The following GPHN variants were observed in gnomAD, a reference collection of about 807,000 sequenced individuals.
GPHN encodes the protein gephyrin.
A neutral mutation model predicts 95.5 loss-of-function variants in GPHN; 17 were observed. The ratio of observed to expected loss-of-function variants is 0.18; its 90% CI spans 0.12 to 0.27. GPHN has a LOEUF of 0.27. GPHN is among the 10% of genes least tolerant of loss of function. The probability of loss-of-function intolerance (pLI) is 1.00; values close to 1 mark genes in which losing one functional copy is unlikely to be tolerated. For missense variants in GPHN, 660 were observed against 978.1 expected, an observed-to-expected ratio of 0.67 and a Z score of 4.34; for synonymous variants, 320 against 322.5, an observed-to-expected ratio of 0.99 and a Z score of 0.08.
intron 1 of GPHN, among the ~76,000 whole-genome samples, chr14:66,557,237 GTAGATAGA>G (rs201752462): frequency 0.021 from 2,916 of 141,988 alleles, 43 homozygotes; most frequent in East Asian, 0.048. Context: ...ACATAGGTAG[GTAGATAGA>G]TAGATAGATA....
chr14:67,579,288 C>G, the GPHN span: 1 of 1,558,980 alleles, frequency 6.4e-7, no homozygotes, highest in Non-Finnish European at 8.7e-7. Flanking sequence ...CATCCCCGTG[C>G]ACTTTACCAA....
At chr14:67,678,339 C>T in the GPHN span, 168 of 1,613,190 alleles carry the variant, frequency 1.0e-4, 1 homozygote, top group Non-Finnish European at 1.7e-6. Flanking sequence ...TTGGGAGGCC[C>T]AGCAGGTCAC....
At chr14:67,490,208 C>T in the GPHN span, among the ~76,000 whole-genome samples, 1 of 152,156 alleles carries the variant, frequency 6.6e-6, no homozygotes, top group African/African-American at 2.4e-5. Context: ...ACAGATGAGC[C>T]ATACATGTTG....
At chr14:67,600,039 G>T in the GPHN span, 107 of 1,573,352 alleles carry the variant, frequency 6.8e-5, 1 homozygote, top group East Asian at 2.4e-3. Context: ...AGAGGGTGAA[G>T]AGTCCGTAGG....
At chr14:67,263,319 A>G in the GPHN span, among the ~76,000 whole-genome samples, 1 of 152,174 alleles carries the variant, frequency 6.6e-6, no homozygotes, top group African/African-American at 2.4e-5. Flanking sequence ...AGATTTGTAA[A>G]GGAAAATGGT....
At chr14:66,558,635 T>A (rs1262071509) in intron 1 of GPHN, among the ~76,000 whole-genome samples, 1 of 152,162 alleles carries the variant, frequency 6.6e-6, no homozygotes, top group Non-Finnish European at 1.5e-5. Flanking sequence ...TACTTTTTAA[T>A]TGCTTATGTC....
At chr14:66,908,661 C>T (rs900908666) in intron 5 of GPHN, among the ~76,000 whole-genome samples, 5 of 151,996 alleles carry the variant, frequency 3.3e-5, no homozygotes, top group Admixed American at 1.3e-4. Context: ...TGGGGAGCAC[C>T]TGACAAATAC....
intron 3 of GPHN, among the ~76,000 whole-genome samples, chr14:66,813,833 C>A (rs555364511): frequency 1.3e-5 from 2 of 152,264 alleles, no homozygotes; most frequent in Admixed American, 6.5e-5. Context: ...TGTCCTGGGG[C>A]CCTAGCCTGG....
At chr14:67,189,965 C>T in the GPHN span, among the ~76,000 whole-genome samples, 7 of 150,780 alleles carry the variant, frequency 4.6e-5, no homozygotes, top group Admixed American at 3.3e-4. Flanking sequence ...CTCAGCCTCC[C>T]GAGTAGCTGG....
chr14:66,636,398 A>G (rs919297613), intron 1 of GPHN, among the ~76,000 whole-genome samples: 2 of 152,148 alleles, frequency 1.3e-5, no homozygotes, highest in Non-Finnish European at 2.9e-5. Flanking sequence ...TAGGTATACC[A>G]TATCACCTAA....
chr14:67,492,410 A>C, the GPHN span, among the ~76,000 whole-genome samples: 1 of 152,212 alleles, frequency 6.6e-6, no homozygotes, highest in Non-Finnish European at 1.5e-5. Context: ...AATACTCTGC[A>C]CATGAGACCA....
chr14:67,387,543 T>C, the GPHN span: 4 of 1,340,424 alleles, frequency 3.0e-6, no homozygotes, highest in Non-Finnish European at 4.1e-6. Flanking sequence ...AACTGAGACA[T>C]GGACAAAAAC....
chr14:67,086,075 G>C (rs1429397582), intron 11 of GPHN, among the ~76,000 whole-genome samples: 1 of 152,134 alleles, frequency 6.6e-6, no homozygotes, highest in Non-Finnish European at 1.5e-5. Context: ...ATTTCTGTAT[G>C]TATATACCAT....
chr14:66,861,686 C>G (rs916507772), intron 4 of GPHN, among the ~76,000 whole-genome samples: 5 of 151,826 alleles, frequency 3.3e-5, no homozygotes, highest in Admixed American at 2.0e-4. Flanking sequence ...AAATCAATAA[C>G]GAGGAATGTT....
At chr14:67,442,075 T>C in the GPHN span, 1 of 152,728 alleles carries the variant, frequency 6.5e-6, no homozygotes, top group African/African-American at 2.4e-5. Flanking sequence ...TAGTAATGAA[T>C]ACATACAAAT....
the GPHN span, chr14:67,579,236 C>T: frequency 5.2e-3 from 8,313 of 1,609,614 alleles, 23 homozygotes; most frequent in Non-Finnish European, 6.5e-3. Flanking sequence ...AAGTGGTGTC[C>T]ATCCTGCTGC....
At chr14:66,952,946 G>C (rs1212208183) in intron 8 of GPHN, among the ~76,000 whole-genome samples, 1 of 151,492 alleles carries the variant, frequency 6.6e-6, no homozygotes, top group African/African-American at 2.4e-5. Context: ...TTCCAGCCTC[G>C]GCCCCCTAAA....
the GPHN span, chr14:67,335,645 A>C: frequency 3.3e-5 from 5 of 152,658 alleles, no homozygotes; most frequent in African/African-American, 9.6e-5. Context: ...AATTTTGTGA[A>C]TGTGTGGAAA....
chr14:66,750,918 T>G (rs1328720758), intron 2 of GPHN, among the ~76,000 whole-genome samples: 2 of 151,992 alleles, frequency 1.3e-5, no homozygotes, highest in East Asian at 3.9e-4. Context: ...TGGGATATCA[T>G]TTGGCTGGTT....
Sources: gnomAD v4.1 joint callset for allele counts (sites outside exome capture counted in the v4.1 genomes callset) on GRCh38, gnomAD v4.1.1 for gene constraint, MANE v1.5 for transcripts, NCBI Gene and HGNC (gene_info 2026-07-23, HGNC 2026-07-21) for gene names.